The following ANO2 variants were observed in gnomAD, a reference collection of about 807,000 sequenced individuals.
ANO2 encodes the protein anoctamin-2.
ANO2 carries 101 observed loss-of-function variants against 124.2 expected under a neutral mutation model. That is an observed-to-expected ratio of 0.81 (90% CI 0.69 to 0.96). ANO2 has a LOEUF of 0.96. Ranked by LOEUF, ANO2 falls within the 40% of genes least tolerant of loss-of-function variation. The pLI is 0.00. For missense variants in ANO2, 1,293 were observed against 1,274.5 expected (o/e 1.01, Z -0.22); for synonymous variants, 486 against 482.5 (o/e 1.01, Z -0.09).
Position 5,615,249 on chromosome 12 carries a change from G to A in ANO2, c.1865C>T (p.Ala622Val). ...QTFEERLILK[A>V]FLLKFVNAYS... is the part of the protein sequence containing the mutation. ...GGCATTGACAAACTTGAGCAAGAAA[G>A]CTTTGAGGATCAGGCGCTCTTCAAA... is the stretch of plus-strand genomic sequence containing the variant. Residue 622 changes from alanine (A) to valine (V), a missense_variant, in exon 17 of 25, where the codon GCT becomes GTT. Coordinates refer to ENST00000682330, the MANE Select transcript of ANO2 (RefSeq NM_001364791.2). The A allele has an allele frequency of 6.2e-7, 1 of 1,613,786 alleles. No homozygotes were observed. The highest frequency in any genetic ancestry group is 8.5e-7 in the Non-Finnish European group (1 of 1,179,798).
intron 11 of ANO2, among the ~76,000 whole-genome samples, chr12:5,749,654 G>C (rs1951379437): frequency 6.6e-6 from 1 of 152,194 alleles, no homozygotes; most frequent in South Asian, 2.1e-4. Context: ...AGTTTGCAAA[G>C]ACAATTCTGA....
chr12:5,620,994 TGCCACATCCCCA>T (rs1945090458), intron 16 of ANO2, among the ~76,000 whole-genome samples: 1 of 152,154 alleles, frequency 6.6e-6, no homozygotes, highest in Non-Finnish European at 1.5e-5. Context: ...AGCCTGAACG[TGCCACATCCCCA>T]TCTTTGGCCT....
At chr12:5,624,372 A>G (rs1312464079) in intron 16 of ANO2, among the ~76,000 whole-genome samples, 1 of 152,148 alleles carries the variant, frequency 6.6e-6, no homozygotes, top group Non-Finnish European at 1.5e-5. Flanking sequence ...AGCACCATAC[A>G]AGCACTTGAC....
At chr12:5,901,529 A>C (rs1373512353) in intron 3 of ANO2, among the ~76,000 whole-genome samples, 1 of 152,200 alleles carries the variant, frequency 6.6e-6, no homozygotes, top group Non-Finnish European at 1.5e-5. Context: ...AAGAAGTCTG[A>C]AGGACCCTGA....
At chr12:5,928,309 C>T (rs1942182781) in intron 1 of ANO2, among the ~76,000 whole-genome samples, 1 of 152,210 alleles carries the variant, frequency 6.6e-6, no homozygotes, top group Non-Finnish European at 1.5e-5. Context: ...CTCCCAAAGC[C>T]ACTGCTTCCA....
chr12:5,923,173 CGCACACACACAT>C (rs1941867234), intron 1 of ANO2, among the ~76,000 whole-genome samples: 1 of 32,964 alleles, frequency 3.0e-5, no homozygotes, highest in Non-Finnish European at 1.0e-4. Context: ...TACACACACA[CGCACACACACAT>C]ACACACACAC....
Position 5,905,409 on chromosome 12 carries a change from A to G in ANO2, c.534+15631T>C, listed in dbSNP as rs549154321. Among the ~76,000 whole-genome samples, 578 of 152,350 alleles carry G rather than the reference A, an allele frequency of 3.8e-3. 4 individuals are homozygous for G. The highest frequency in any genetic ancestry group is 0.013 in the African/African-American group (549 of 41,576). On this transcript the variant is annotated intron_variant, in intron 3 of 24. Coordinates refer to ENST00000682330, the MANE Select transcript of ANO2 (RefSeq NM_001364791.2). ...ATTAAATGAGTTACTTTATGTTCCTAGCACAGTAGAAGCATCTCTTATTAC... is the reference window on the plus strand; with the variant it reads ...ATTAAATGAGTTACTTTATGTTCCTGGCACAGTAGAAGCATCTCTTATTAC...
chr12:5,918,438 CTTTTTT>C (rs59787191), intron 3 of ANO2, among the ~76,000 whole-genome samples: 1 of 118,952 alleles, frequency 8.4e-6, no homozygotes. Flanking sequence ...TAACTTGAAT[CTTTTTT>C]TTTTTTTTTT....
chr12:5,834,754 T>C (rs1954266886), intron 4 of ANO2, among the ~76,000 whole-genome samples: 2 of 152,220 alleles, frequency 1.3e-5, no homozygotes, highest in South Asian at 4.1e-4. Flanking sequence ...TAACTAAACG[T>C]TAGGAGTTTC....
chr12:5,705,610 C>T (rs1200920743), intron 14 of ANO2, among the ~76,000 whole-genome samples: 3 of 152,240 alleles, frequency 2.0e-5, no homozygotes, highest in South Asian at 2.1e-4. Context: ...CCTTAATCCA[C>T]GTCTAATACT....
intron 3 of ANO2, among the ~76,000 whole-genome samples, chr12:5,906,442 G>A (rs1940697639): frequency 6.6e-6 from 1 of 151,762 alleles, no homozygotes; most frequent in Non-Finnish European, 1.5e-5. Context: ...GATCACTTGA[G>A]GCCAGGAGTT....
At chr12:5,906,467 T>A (rs1940699839) in intron 3 of ANO2, among the ~76,000 whole-genome samples, 1 of 151,790 alleles carries the variant, frequency 6.6e-6, no homozygotes, top group Non-Finnish European at 1.5e-5. Flanking sequence ...AGCAGCCTGG[T>A]CAACAGCATA....
At chr12:5,694,309 G>C (rs1359913910) in intron 14 of ANO2, among the ~76,000 whole-genome samples, 1 of 147,676 alleles carries the variant, frequency 6.8e-6, no homozygotes, top group Non-Finnish European at 1.5e-5. Context: ...AATAGGGACA[G>C]AAGGAGAAAG....
intron 3 of ANO2, among the ~76,000 whole-genome samples, chr12:5,880,536 C>T (rs57184315): frequency 0.026 from 3,923 of 151,972 alleles, 174 homozygotes; most frequent in African/African-American, 0.089. Flanking sequence ...CCCATAGAGG[C>T]AGAGGAGATT....
intron 3 of ANO2, among the ~76,000 whole-genome samples, chr12:5,881,518 TATTGTA>T (rs1269714390): frequency 6.6e-6 from 1 of 152,214 alleles, no homozygotes; most frequent in Non-Finnish European, 1.5e-5. Context: ...GAAGGGGCAA[TATTGTA>T]ATTTCTCCTG....
At chr12:5,851,809 G>T in intron 4 of ANO2, 1 of 667,202 alleles carries the variant, frequency 1.5e-6, no homozygotes, top group South Asian at 1.7e-5. Flanking sequence ...AAAAGAATGA[G>T]AGTAGAAAGA....
intron 23 of ANO2, among the ~76,000 whole-genome samples, chr12:5,566,835 G>A (rs902255281): frequency 6.6e-6 from 1 of 152,166 alleles, no homozygotes; most frequent in Non-Finnish European, 1.5e-5. Flanking sequence ...GCTGAATCTA[G>A]GCTTTCTTCC....
At chr12:5,739,630 C>CACACACACAT (rs3221289) in intron 12 of ANO2, among the ~76,000 whole-genome samples, 5 of 151,580 alleles carry the variant, frequency 3.3e-5, no homozygotes, top group Non-Finnish European at 7.4e-5. Flanking sequence ...CACACACACA[C>CACACACACAT]GCTCCTTTCT....
chr12:5,830,434 C>T lies in ANO2; in HGVS notation c.840+1G>A. The T allele has an allele frequency of 6.2e-7, 1 of 1,612,554 alleles. No homozygotes were observed. Among genetic ancestry groups the T allele is most frequent in the Non-Finnish European group, 8.5e-7 (1 of 1,179,360 alleles). On this transcript the variant is annotated splice_donor_variant, in intron 6 of 24. Coordinates refer to ENST00000682330, the MANE Select transcript of ANO2 (RefSeq NM_001364791.2). LOFTEE classifies it high-confidence loss of function. Reference sequence around the variant, plus strand: ...CTAACACAGTACATCCATTTACTTACAATGCGGCTGCGGGTGGCATTATCA... The same window carrying T: ...CTAACACAGTACATCCATTTACTTATAATGCGGCTGCGGGTGGCATTATCA...
Sources: allele counts gnomAD v4.1 joint callset (sites outside exome capture counted in the v4.1 genomes callset), GRCh38; gene constraint gnomAD v4.1.1; transcripts MANE v1.5; gene names NCBI Gene and HGNC (gene_info 2026-07-23, HGNC 2026-07-21).